LRP1B: variants seen among roughly 807,000 people sequenced by gnomAD.
LRP1B encodes the protein low-density lipoprotein receptor-related protein 1B.
In LRP1B, 217 loss-of-function variants were observed where a neutral mutation model predicts 556.6. That is an observed-to-expected ratio of 0.39 (90% CI 0.35 to 0.44). The LOEUF is 0.44. Ranked by LOEUF, LRP1B falls within the 20% of genes least tolerant of loss-of-function variation. LRP1B has a pLI of 1.00. For missense variants in LRP1B, 5,053 were observed against 5,620.8 expected (o/e 0.90, Z 3.23); for synonymous variants, 2,047 against 1,865.8 (o/e 1.10, Z -2.50).
At chr2:142,054,567 C>T (rs980058015) in intron 1 of LRP1B, among the ~76,000 whole-genome samples, 1 of 152,048 alleles carries the variant, frequency 6.6e-6, no homozygotes, top group African/African-American at 2.4e-5. Flanking sequence ...GCCAGATGAC[C>T]ACATTTCTCT....
At chr2:141,048,736 C>T (rs536118128) in intron 11 of LRP1B, among the ~76,000 whole-genome samples, 1 of 152,182 alleles carries the variant, frequency 6.6e-6, no homozygotes, top group African/African-American at 2.4e-5. Context: ...GATAATAGTT[C>T]AGTTTTAATT....
chr2:140,404,318 G>A (rs1684639777), intron 66 of LRP1B, among the ~76,000 whole-genome samples: 3 of 151,570 alleles, frequency 2.0e-5, no homozygotes, highest in Admixed American at 1.3e-4. Flanking sequence ...GAGACTTCAG[G>A]TGCCCGCCAC....
intron 37 of LRP1B, among the ~76,000 whole-genome samples, chr2:140,709,830 T>C (rs1400654543): frequency 6.6e-6 from 1 of 152,104 alleles, no homozygotes; most frequent in Non-Finnish European, 1.5e-5. Flanking sequence ...AATCAGTGTT[T>C]GAATAATTTT....
intron 72 of LRP1B, among the ~76,000 whole-genome samples, chr2:140,359,315 G>A (rs1037215433): frequency 1.1e-4 from 17 of 151,656 alleles, no homozygotes; most frequent in Admixed American, 3.3e-4. Flanking sequence ...GCATAGAGCC[G>A]GAGCAAGCAT....
chr2:141,152,245 T>C (rs772376685), intron 7 of LRP1B, among the ~76,000 whole-genome samples: 1 of 151,984 alleles, frequency 6.6e-6, no homozygotes, highest in Non-Finnish European at 1.5e-5. Context: ...CAAATAATAA[T>C]AGGTAACTCA....
intron 41 of LRP1B, among the ~76,000 whole-genome samples, chr2:140,651,840 T>C (rs1684700412): frequency 6.6e-6 from 1 of 152,168 alleles, no homozygotes; most frequent in Non-Finnish European, 1.5e-5. Context: ...ACTTTGATTA[T>C]TGTCAAACAG....
At position 141,500,468 on chromosome 2, in the gene LRP1B, T is replaced by C. The variant is rs533544114; in HGVS notation, c.206-19935A>G. ...TAAAGAGCGCAGAACAGGTTTTTCT[T>C]ACCTACATAGTACTAGGTACCATAT... On this transcript the variant is annotated intron_variant, in intron 2 of 90. Coordinates refer to ENST00000389484, the MANE Select transcript of LRP1B (RefSeq NM_018557.3). Among the ~76,000 whole-genome samples the C allele has an allele frequency of 2.9e-4, 44 of 152,222 alleles. 1 individual carries two copies. In the Middle Eastern group the frequency reaches 0.01, roughly 35 times the overall value.
intron 2 of LRP1B, among the ~76,000 whole-genome samples, chr2:141,688,290 A>G (rs1032640850): frequency 2.0e-5 from 3 of 151,828 alleles, no homozygotes; most frequent in African/African-American, 7.2e-5. Context: ...CGTTAATAAT[A>G]GCTAACCGCT....
At chr2:141,922,177 C>T (rs1473901690) in intron 1 of LRP1B, among the ~76,000 whole-genome samples, 1 of 152,220 alleles carries the variant, frequency 6.6e-6, no homozygotes, top group Admixed American at 6.5e-5. Context: ...ACATATTAGG[C>T]ATGCATGAAA....
At chr2:141,463,825 T>G (rs7564394) in intron 3 of LRP1B, among the ~76,000 whole-genome samples, 56,990 of 142,394 alleles carry the variant, frequency 0.4, 11,375 homozygotes, top group Non-Finnish European at 0.42. Context: ...ATCCAAATTA[T>G]ATATATAATT....
intron 1 of LRP1B, among the ~76,000 whole-genome samples, chr2:142,103,286 CTTCTT>C (rs1388785448): frequency 6.6e-6 from 1 of 151,678 alleles, no homozygotes; most frequent in Non-Finnish European, 1.5e-5. Context: ...TTTGCATAAA[CTTCTT>C]TTCTTATTAT....
intron 83 of LRP1B, among the ~76,000 whole-genome samples, chr2:140,301,651 C>T (rs187466127): frequency 6.6e-6 from 1 of 151,700 alleles, no homozygotes; most frequent in East Asian, 1.9e-4. Flanking sequence ...AGAAAACAGG[C>T]CAGAATGCTC....
intron 41 of LRP1B, among the ~76,000 whole-genome samples, chr2:140,672,811 T>C (rs1277255154): frequency 6.6e-6 from 1 of 152,204 alleles, no homozygotes; most frequent in Non-Finnish European, 1.5e-5. Context: ...TTGTATGTCC[T>C]GGGAATTTGC....
chr2:141,618,378 T>G (rs1417695616), intron 2 of LRP1B, among the ~76,000 whole-genome samples: 1 of 152,160 alleles, frequency 6.6e-6, no homozygotes, highest in Non-Finnish European at 1.5e-5. Flanking sequence ...TTTTATGACG[T>G]TTAGGTGCAA....
At chr2:141,102,622 A>G (rs576091580) in intron 7 of LRP1B, among the ~76,000 whole-genome samples, 91 of 152,210 alleles carry the variant, frequency 6.0e-4, no homozygotes, top group African/African-American at 2.2e-3. Flanking sequence ...GTTGAGAAAA[A>G]TATTTAAAAA....
chr2:141,005,200 T>C, intron 15 of LRP1B, 135 bp downstream of exon 15: 1 of 982,648 alleles, frequency 1.0e-6, no homozygotes, highest in Non-Finnish European at 1.4e-6. Context: ...TAATTTATAG[T>C]CTAAAAAGAA....
At chr2:141,930,364 G>A (rs1381805646) in intron 1 of LRP1B, among the ~76,000 whole-genome samples, 3 of 151,948 alleles carry the variant, frequency 2.0e-5, no homozygotes, top group Non-Finnish European at 4.4e-5. Flanking sequence ...AAGCCAGCAA[G>A]GGACACTCAT....
At chr2:141,708,870 C>T (rs1294986397) in intron 2 of LRP1B, among the ~76,000 whole-genome samples, 1 of 152,094 alleles carries the variant, frequency 6.6e-6, no homozygotes, top group African/African-American at 2.4e-5. Context: ...CATCTGCAAG[C>T]CAAGGAGAGA....
intron 7 of LRP1B, among the ~76,000 whole-genome samples, chr2:141,086,246 G>A (rs1700043977): frequency 6.6e-6 from 1 of 152,098 alleles, no homozygotes. Context: ...AGTGTTTCTT[G>A]ACTGGATCAA....
Sources: allele counts gnomAD v4.1 joint callset (sites outside exome capture counted in the v4.1 genomes callset), GRCh38; gene constraint gnomAD v4.1.1; transcripts MANE v1.5; gene names NCBI Gene and HGNC (gene_info 2026-07-23, HGNC 2026-07-21).